CNTLN: variants seen among roughly 807,000 people sequenced by gnomAD.
CNTLN encodes the protein centlein.
In CNTLN, 212 loss-of-function variants were observed where a neutral mutation model predicts 180.0. The observed-to-expected ratio is 1.18, with a 90% CI of 1.05 to 1.32. The LOEUF (loss-of-function observed/expected upper bound fraction) is 1.32. Among genes scored for constraint, CNTLN ranks in the 40% most tolerant of loss-of-function variants. CNTLN has a pLI of 0.00. For synonymous variants in CNTLN, 722 were observed against 563.1 expected (o/e 1.28, Z -3.99); for missense variants, 2,095 against 1,610.9 (o/e 1.30, Z -5.14).
intron 2 of CNTLN, among the ~76,000 whole-genome samples, chr9:17,152,297 T>C (rs1818943529): frequency 6.6e-6 from 1 of 152,220 alleles, no homozygotes; most frequent in African/African-American, 2.4e-5. Flanking sequence ...TGTGGGCATT[T>C]AGTACTATAA....
chr9:17,476,443 G>A (rs1379615700), intron 23 of CNTLN, among the ~76,000 whole-genome samples: 1 of 152,102 alleles, frequency 6.6e-6, no homozygotes, highest in Non-Finnish European at 1.5e-5. Context: ...ACTTAGTGAG[G>A]AAGGCATGTC....
intron 16 of CNTLN, among the ~76,000 whole-genome samples, chr9:17,409,759 T>G (rs995818607): frequency 1.3e-5 from 2 of 152,242 alleles, no homozygotes; most frequent in East Asian, 3.9e-4. Context: ...ATATGAAATA[T>G]TCCAAATGAT....
At chr9:17,144,910 C>T (rs192218480) in intron 2 of CNTLN, among the ~76,000 whole-genome samples, 2,288 of 151,146 alleles carry the variant, frequency 0.015, 95 homozygotes, top group African/African-American at 0.053. Flanking sequence ...GGCGCAATCT[C>T]GGCTCACTGC....
At chr9:17,395,982 C>T (rs1181114279) in intron 15 of CNTLN, among the ~76,000 whole-genome samples, 2 of 152,132 alleles carry the variant, frequency 1.3e-5, no homozygotes, top group Admixed American at 6.5e-5. Context: ...AAACAGGTTA[C>T]GGTAGAGGAG....
Position 17,316,773 on chromosome 9 carries a change from C to A in CNTLN, c.1341+7521C>A, listed in dbSNP as rs371062307. Among the ~76,000 whole-genome samples the A allele has an allele frequency of 5.3e-5, 8 of 151,918 alleles. No individual in the cohort carries two copies. In the East Asian group the frequency reaches 1.5e-3, roughly 29 times the overall value. On this transcript the variant is annotated intron_variant, in intron 8 of 25. Coordinates refer to ENST00000380647, the MANE Select transcript of CNTLN (RefSeq NM_017738.4). ...ATTTTCTAGTGTGATATTTTAATCC[C>A]TTTGTTTTTCTTTTACTATATATTT...
chr9:17,470,932 T>C (rs1832015724), intron 23 of CNTLN, among the ~76,000 whole-genome samples: 1 of 152,084 alleles, frequency 6.6e-6, no homozygotes, highest in Admixed American at 6.6e-5. Flanking sequence ...CATTAGAATT[T>C]TAATTTTACA....
intron 2 of CNTLN, among the ~76,000 whole-genome samples, chr9:17,211,601 G>T (rs1823317299): frequency 6.6e-6 from 1 of 152,188 alleles, no homozygotes; most frequent in African/African-American, 2.4e-5. Flanking sequence ...GAAAGTCATT[G>T]GTAGCTTGAT....
At chr9:17,399,594 A>G (rs1826808664) in intron 15 of CNTLN, among the ~76,000 whole-genome samples, 1 of 152,210 alleles carries the variant, frequency 6.6e-6, no homozygotes, top group Non-Finnish European at 1.5e-5. Flanking sequence ...AGCCCTTTCC[A>G]TCTTCCTTCC....
chr9:17,302,173 A>G (rs620280), intron 7 of CNTLN: 88,702 of 925,798 alleles, frequency 0.096, 4,839 homozygotes, highest in African/African-American at 0.22. Context: ...TTATGAAGCT[A>G]TAACATCATA....
chr9:17,157,050 A>G (rs1464003442), intron 2 of CNTLN, among the ~76,000 whole-genome samples: 6 of 152,182 alleles, frequency 3.9e-5, no homozygotes, highest in Non-Finnish European at 7.3e-5. Flanking sequence ...AACACTGTCT[A>G]CTGTCTCCTC....
At chr9:17,136,070 A>G (rs1047036414) in intron 1 of CNTLN, among the ~76,000 whole-genome samples, 1 of 152,184 alleles carries the variant, frequency 6.6e-6, no homozygotes, top group Non-Finnish European at 1.5e-5. Context: ...TTGCTAAATC[A>G]ATTGCATTAA....
chr9:17,434,497 A>G (rs548007299), intron 18 of CNTLN, among the ~76,000 whole-genome samples: 7 of 152,104 alleles, frequency 4.6e-5, no homozygotes, highest in African/African-American at 1.7e-4. Flanking sequence ...ATTTAAAAAT[A>G]TATTGTTTAA....
At chr9:17,446,077 G>A (rs920741734) in intron 18 of CNTLN, among the ~76,000 whole-genome samples, 1 of 152,108 alleles carries the variant, frequency 6.6e-6, no homozygotes, top group African/African-American at 2.4e-5. Context: ...TCACGTGTTT[G>A]TCTGCTGACC....
chr9:17,186,732 T>C (rs1225310250), intron 2 of CNTLN, among the ~76,000 whole-genome samples: 1 of 152,168 alleles, frequency 6.6e-6, no homozygotes, highest in Non-Finnish European at 1.5e-5. Context: ...TTAATTTAGA[T>C]ACTTATTGCC....
At chr9:17,285,165 C>T (rs1218660197) in intron 6 of CNTLN, among the ~76,000 whole-genome samples, 1 of 122,708 alleles carries the variant, frequency 8.1e-6, no homozygotes, top group Non-Finnish European at 1.7e-5. Context: ...TCCCCCCACC[C>T]CACCACAGTC....
chr9:17,353,969 G>C (rs374387206), intron 12 of CNTLN, among the ~76,000 whole-genome samples: 1 of 152,174 alleles, frequency 6.6e-6, no homozygotes, highest in South Asian at 2.1e-4. Context: ...GGCTGTGTGC[G>C]GTGCTTGTTG....
chr9:17,302,597 T>C (rs116679896), intron 7 of CNTLN, among the ~76,000 whole-genome samples: 2,704 of 149,000 alleles, frequency 0.018, 91 homozygotes, highest in African/African-American at 0.064. Flanking sequence ...ACCTGCCTAC[T>C]ACATGATCAG....
chr9:17,472,779 C>A (rs1005198723), intron 23 of CNTLN, among the ~76,000 whole-genome samples: 1 of 152,160 alleles, frequency 6.6e-6, no homozygotes, highest in East Asian at 1.9e-4. Context: ...CTTGTCATTA[C>A]GCATAACTGA....
At chr9:17,364,667 T>C (rs991991824) in intron 12 of CNTLN, among the ~76,000 whole-genome samples, 3 of 152,192 alleles carry the variant, frequency 2.0e-5, no homozygotes, top group East Asian at 1.9e-4. Flanking sequence ...TTTGAACTTA[T>C]TTATATACTT....
Sources: allele counts gnomAD v4.1 joint callset (sites outside exome capture counted in the v4.1 genomes callset), GRCh38; gene constraint gnomAD v4.1.1; transcripts MANE v1.5; gene names NCBI Gene and HGNC (gene_info 2026-07-23, HGNC 2026-07-21).